NKAIN3: variants seen among roughly 807,000 people sequenced by gnomAD.
NKAIN3 encodes sodium/potassium-transporting ATPase subunit beta-1-interacting protein 3.
Under a neutral mutation model 30.2 loss-of-function variants are expected in NKAIN3, and 25 were observed. The observed-to-expected ratio is 0.83, with a 90% CI of 0.60 to 1.16. The LOEUF is 1.16. Among genes scored for constraint, NKAIN3 ranks in the 50% most tolerant of loss-of-function variants. The probability of loss-of-function intolerance (pLI) is 0.00; values close to 1 mark genes in which losing one functional copy is unlikely to be tolerated. For missense variants in NKAIN3, 225 were observed against 254.1 expected (o/e 0.89, Z 0.78); for synonymous variants, 91 against 89.6 (o/e 1.02, Z -0.09).
chr8:62,486,366 T>G (rs552111478), intron 1 of NKAIN3, among the ~76,000 whole-genome samples: 1 of 152,296 alleles, frequency 6.6e-6, no homozygotes, highest in African/African-American at 2.4e-5. Flanking sequence ...TTATTTTAAT[T>G]TATTGCATGC....
chr8:62,558,858 C>G (rs1167568913), intron 1 of NKAIN3, among the ~76,000 whole-genome samples: 1 of 152,036 alleles, frequency 6.6e-6, no homozygotes, highest in African/African-American at 2.4e-5. Context: ...TAAGCTGTGT[C>G]CCACAAACAT....
At position 62,778,052 on chromosome 8, in the gene NKAIN3, G is replaced by A. The variant is rs182063749; in HGVS notation, c.471+30923G>A. Among the ~76,000 whole-genome samples the A allele has an allele frequency of 2.0e-3, 297 of 152,190 alleles. 1 individual carries two copies. The highest frequency in any genetic ancestry group is 3.4e-3 in the Middle Eastern group (1 of 294). On this transcript the variant is annotated intron_variant, in intron 4 of 6. Transcript: ENST00000623646. ...TATTCTCTTCCCTTACTTTCCCCCAGACAGAGTCTCTGTATATGCTGAGCT... is the reference window on the plus strand; with the variant it reads ...TATTCTCTTCCCTTACTTTCCCCCAAACAGAGTCTCTGTATATGCTGAGCT...
rs5891851 is a variant in NKAIN3 at position 62,387,349 on chromosome 8, C to CAA, written c.54+138235_54+138236dup. ...CAGAGCTAATAAAATAAAAATGTAG[C>CAA]AAAAAAAAAAAAAATACATGGTAGA... On this transcript the variant is annotated intron_variant, in intron 1 of 6. Coordinates refer to ENST00000623646, the MANE Select transcript of NKAIN3 (RefSeq NM_001304533.3). Among the ~76,000 whole-genome samples the CAA allele has an allele frequency of 7.7e-3, 1,101 of 142,444 alleles. 27 individuals carry two copies. Among genetic ancestry groups the CAA allele is most frequent in the African/African-American group, 0.027 (1,034 of 38,238 alleles). 93.4% of individuals were successfully genotyped at this position (142,444 alleles called of 152,430 possible).
Position 62,364,785 on chromosome 8 carries a change from C to T in NKAIN3, c.54+115658C>T, listed in dbSNP as rs541913702. 1.1e-4 allele frequency among the ~76,000 whole-genome samples: 14 copies of T among 123,020 alleles called. 1 individual carries two copies. In the South Asian group the frequency reaches 1.7e-3, roughly 15 times the overall value. 80.7% of individuals were successfully genotyped at this position (123,020 alleles called of 152,430 possible). A position where few individuals can be genotyped will look rare whatever the true frequency, so the allele number is the denominator to read the frequency against. ...CCTGGGAGGCAGAGCTTGCAGATCG[C>T]GCTACTGCACTCCAGCCTGTGTGAC... On this transcript the variant is annotated intron_variant, in intron 1 of 6. Coordinates refer to ENST00000623646, the MANE Select transcript of NKAIN3 (RefSeq NM_001304533.3).
chr8:62,918,856 G>A (rs16929838), intron 5 of NKAIN3, among the ~76,000 whole-genome samples: 22,442 of 151,930 alleles, frequency 0.15, 2,112 homozygotes, highest in African/African-American at 0.25. Context: ...AGGCATGTTG[G>A]TGGCAGAATT....
At chr8:62,587,569 A>G (rs1810516577) in intron 2 of NKAIN3, among the ~76,000 whole-genome samples, 1 of 151,982 alleles carries the variant, frequency 6.6e-6, no homozygotes, top group African/African-American at 2.4e-5. Flanking sequence ...AAAATCTTTT[A>G]AAACAAAGCC....
chr8:62,820,659 T>C (rs188513001), intron 4 of NKAIN3, among the ~76,000 whole-genome samples: 12 of 152,154 alleles, frequency 7.9e-5, no homozygotes, highest in Admixed American at 7.2e-4. Context: ...CAAACTAATA[T>C]GTGAAAGAAC....
At chr8:62,623,333 C>A (rs1335943849) in intron 3 of NKAIN3, among the ~76,000 whole-genome samples, 1 of 152,034 alleles carries the variant, frequency 6.6e-6, no homozygotes, top group Non-Finnish European at 1.5e-5. Flanking sequence ...ATGTATATAA[C>A]CACCATAGCA....
intron 2 of NKAIN3, among the ~76,000 whole-genome samples, chr8:62,587,652 T>C (rs1320785063): frequency 1.3e-5 from 2 of 151,984 alleles, no homozygotes; most frequent in Non-Finnish European, 2.9e-5. Flanking sequence ...TGACACTAAA[T>C]AGGTGATTAA....
chr8:62,687,010 A>G (rs1444469229), intron 3 of NKAIN3, among the ~76,000 whole-genome samples: 4 of 152,220 alleles, frequency 2.6e-5, no homozygotes, highest in African/African-American at 7.2e-5. Flanking sequence ...ATCAAACAAT[A>G]TAATTACATA....
At chr8:62,664,311 C>T (rs905255664) in intron 3 of NKAIN3, among the ~76,000 whole-genome samples, 5 of 152,098 alleles carry the variant, frequency 3.3e-5, no homozygotes, top group African/African-American at 1.2e-4. Flanking sequence ...GTTCAGCCAG[C>T]ACCCATTTCT....
chr8:62,746,269 C>G (rs1816066438), intron 3 of NKAIN3, among the ~76,000 whole-genome samples: 1 of 152,210 alleles, frequency 6.6e-6, no homozygotes, highest in Non-Finnish European at 1.5e-5. Flanking sequence ...TCTAATCTCT[C>G]TCTGCCTCCC....
chr8:62,657,543 GA>G (rs1354356984), intron 3 of NKAIN3, among the ~76,000 whole-genome samples: 2 of 151,866 alleles, frequency 1.3e-5, no homozygotes, highest in East Asian at 1.9e-4. Context: ...AAAGCTGAAA[GA>G]AAAAAAAGAA....
intron 1 of NKAIN3, among the ~76,000 whole-genome samples, chr8:62,477,773 A>G (rs1297436543): frequency 1.3e-5 from 2 of 152,140 alleles, no homozygotes; most frequent in Non-Finnish European, 2.9e-5. Flanking sequence ...CCCTGTGGGC[A>G]CAGGCCAGAA....
chr8:62,552,989 A>G (rs942755619), intron 1 of NKAIN3, among the ~76,000 whole-genome samples: 1 of 152,202 alleles, frequency 6.6e-6, no homozygotes, highest in Non-Finnish European at 1.5e-5. Context: ...TGTGGTGGAG[A>G]CAAAGAAATA....
chr8:62,966,075 A>G lies in NKAIN3; in HGVS notation c.*668A>G. 1 of 982,680 alleles carries G rather than the reference A, an allele frequency of 1.0e-6. No homozygotes were observed. The highest frequency in any genetic ancestry group is 1.7e-5 in the African/African-American group (1 of 57,252). The allele number at this position is 982,680 out of a possible 1,614,324, so 60.9% of individuals were successfully genotyped here. On this transcript the variant is annotated 3_prime_UTR_variant, in exon 7 of 7. Transcript: ENST00000623646. The stretch of plus-strand genomic sequence containing the variant: ...TGTAGGCACATGGAAGAGTAAAAGG[A>G]TTAGTAGAACCCCTTTCCCCTTTGG...
At chr8:62,528,317 ATT>A (rs1491259115) in intron 1 of NKAIN3, among the ~76,000 whole-genome samples, 1 of 89,724 alleles carries the variant, frequency 1.1e-5, no homozygotes, top group African/African-American at 4.7e-5. Flanking sequence ...ATATATATAT[ATT>A]ATATAATATA....
At chr8:62,530,669 G>T (rs1808460511) in intron 1 of NKAIN3, among the ~76,000 whole-genome samples, 1 of 151,674 alleles carries the variant, frequency 6.6e-6, no homozygotes, top group African/African-American at 2.4e-5. Context: ...ACGGAGTTTT[G>T]ATCTTGTTGC....
At chr8:62,961,067 G>A (rs771912458) in intron 6 of NKAIN3, among the ~76,000 whole-genome samples, 14 of 152,110 alleles carry the variant, frequency 9.2e-5, no homozygotes, top group Admixed American at 2.0e-4. Flanking sequence ...ATCACTTGAG[G>A]TCAGGAGTTC....
Sources: allele counts gnomAD v4.1 joint callset (sites outside exome capture counted in the v4.1 genomes callset), GRCh38; gene constraint gnomAD v4.1.1; transcripts MANE v1.5; gene names NCBI Gene and HGNC (gene_info 2026-07-23, HGNC 2026-07-21).